The following VOPP1 variants were observed in gnomAD, a reference collection of about 807,000 sequenced individuals.
VOPP1 encodes WW domain binding protein VOPP1.
A neutral mutation model predicts 23.5 loss-of-function variants in VOPP1; 8 were observed. That is an observed-to-expected ratio of 0.34 (90% CI 0.20 to 0.61). The LOEUF is 0.61. Ranked by LOEUF, VOPP1 falls within the 20% of genes least tolerant of loss-of-function variation. VOPP1 has a pLI of 0.78. For missense variants in VOPP1, 174 were observed against 238.1 expected (o/e 0.73, Z 1.77); for synonymous variants, 83 against 97.3 (o/e 0.85, Z 0.86).
At chr7:55,562,056 TAA>T in intron 1 of VOPP1, 1 of 703,302 alleles carries the variant, frequency 1.4e-6, no homozygotes, top group Non-Finnish European at 2.6e-6. Flanking sequence ...GTGCATCTGT[TAA>T]AAAATAAAGA....
intron 4 of VOPP1, among the ~76,000 whole-genome samples, chr7:55,482,379 A>C (rs1583868489): frequency 1.5e-5 from 2 of 137,280 alleles, no homozygotes; most frequent in African/African-American, 5.5e-5. Context: ...ACGGAGTCTC[A>C]CTCTTTCCCT....
chr7:55,481,971 C>A lies in VOPP1; in HGVS notation c.329-8926G>T, dbSNP rs557931241. Among the ~76,000 whole-genome samples, 15 of 152,320 alleles carry A rather than the reference C, an allele frequency of 9.8e-5. No individual in the cohort carries two copies. The South Asian group carries it at 2.5e-3, about 25-fold the overall frequency. On this transcript the variant is annotated intron_variant, in intron 4 of 4. Coordinates refer to ENST00000285279, the MANE Select transcript of VOPP1 (RefSeq NM_030796.5). ...CTTTCAAATGTTCCATTTATTTTTA[C>A]ATTTTGATCAGATTAATAGCAATGC...
intron 4 of VOPP1, among the ~76,000 whole-genome samples, chr7:55,456,344 T>C (rs1470397383): frequency 2.0e-5 from 3 of 152,336 alleles, no homozygotes; most frequent in African/African-American, 7.2e-5. Context: ...TTTTACACTG[T>C]TGGTGGAAGT....
At chr7:55,494,641 T>A (rs1793817978) in intron 3 of VOPP1, among the ~76,000 whole-genome samples, 1 of 152,214 alleles carries the variant, frequency 6.6e-6, no homozygotes, top group Non-Finnish European at 1.5e-5. Context: ...ATTTTAAAAA[T>A]TTATTTAAAA....
chr7:55,440,408 G>A (rs1234698369), intron 4 of VOPP1, among the ~76,000 whole-genome samples: 9 of 152,196 alleles, frequency 5.9e-5, no homozygotes, highest in East Asian at 5.8e-4. Flanking sequence ...GAGACCATCC[G>A]TTTTACTTTT....
chr7:55,537,761 C>G, intron 1 of VOPP1: 1 of 1,366,924 alleles, frequency 7.3e-7, no homozygotes, highest in Non-Finnish European at 9.5e-7. Flanking sequence ...CAGGTCCGGC[C>G]CCCAGGCCCA....
chr7:55,499,957 G>T (rs1002478951), intron 2 of VOPP1, among the ~76,000 whole-genome samples: 1 of 152,172 alleles, frequency 6.6e-6, no homozygotes, highest in African/African-American at 2.4e-5. Context: ...TGTGTGTGTG[G>T]AAGAGAAGGG....
intron 1 of VOPP1, among the ~76,000 whole-genome samples, chr7:55,551,438 T>G (rs1050500129): frequency 2.0e-5 from 3 of 152,156 alleles, no homozygotes; most frequent in Non-Finnish European, 4.4e-5. Flanking sequence ...GGGTTCTGAG[T>G]GCTCCCCAAA....
chr7:55,547,844 C>A (rs143940817), intron 1 of VOPP1, among the ~76,000 whole-genome samples: 68 of 152,320 alleles, frequency 4.5e-4, no homozygotes, highest in Admixed American at 2.1e-3. Flanking sequence ...CCCATCACTC[C>A]CTAGTAGATG....
At chr7:55,498,897 T>C (rs1794169415) in intron 2 of VOPP1, among the ~76,000 whole-genome samples, 1 of 152,186 alleles carries the variant, frequency 6.6e-6, no homozygotes, top group South Asian at 2.1e-4. Context: ...CCAAAGCTCC[T>C]GGAGGTGGTG....
At chr7:55,456,816 G>A (rs2129002760) in intron 4 of VOPP1, among the ~76,000 whole-genome samples, 1 of 152,208 alleles carries the variant, frequency 6.6e-6, no homozygotes, top group South Asian at 2.1e-4. Flanking sequence ...GGGGTCTAGG[G>A]GAGGGATGGC....
intron 4 of VOPP1, among the ~76,000 whole-genome samples, chr7:55,455,372 C>A (rs1241387976): frequency 6.6e-6 from 1 of 152,216 alleles, no homozygotes; most frequent in Non-Finnish European, 1.5e-5. Flanking sequence ...AAAATCCATA[C>A]TGCCCAAAGT....
At chr7:55,493,800 G>A (rs543571526) in intron 3 of VOPP1, among the ~76,000 whole-genome samples, 13 of 152,298 alleles carry the variant, frequency 8.5e-5, no homozygotes, top group African/African-American at 2.9e-4. Flanking sequence ...AAAAATGAGC[G>A]ATGCAAGAAG....
At chr7:55,549,758 A>T (rs1306248457) in intron 1 of VOPP1, among the ~76,000 whole-genome samples, 1 of 152,194 alleles carries the variant, frequency 6.6e-6, no homozygotes, top group Non-Finnish European at 1.5e-5. Flanking sequence ...GCACACATCC[A>T]CTTAGACAAA....
intron 4 of VOPP1, among the ~76,000 whole-genome samples, chr7:55,460,967 T>C (rs1791485516): frequency 6.6e-6 from 1 of 151,960 alleles, no homozygotes; most frequent in African/African-American, 2.4e-5. Context: ...AATCAACGAG[T>C]GGATAAAGAA....
chr7:55,477,027 T>C (rs1043958639), intron 4 of VOPP1, among the ~76,000 whole-genome samples: 2 of 152,142 alleles, frequency 1.3e-5, no homozygotes, highest in African/African-American at 4.8e-5. Context: ...GCAAACCGTG[T>C]CTCCTGGAAT....
downstream of VOPP1, among the ~76,000 whole-genome samples, chr7:55,468,733 A>C (rs2129005354): frequency 6.6e-6 from 1 of 152,340 alleles, no homozygotes; most frequent in East Asian, 1.9e-4. Context: ...GCTGTCAATG[A>C]CACCAATGTG....
At chr7:55,525,353 G>A (rs1796113433) in intron 1 of VOPP1, among the ~76,000 whole-genome samples, 1 of 152,094 alleles carries the variant, frequency 6.6e-6, no homozygotes, top group Non-Finnish European at 1.5e-5. Flanking sequence ...GCCGGGCGTG[G>A]TGGTGGGCGC....
chr7:55,455,939 C>G (rs1791354040), intron 4 of VOPP1, among the ~76,000 whole-genome samples: 2 of 151,838 alleles, frequency 1.3e-5, no homozygotes, highest in African/African-American at 2.4e-5. Context: ...CAACAAAAGC[C>G]AAAATAGACA....
Sources: gnomAD v4.1 joint callset for allele counts (sites outside exome capture counted in the v4.1 genomes callset) on GRCh38, gnomAD v4.1.1 for gene constraint, MANE v1.5 for transcripts, NCBI Gene and HGNC (gene_info 2026-07-23, HGNC 2026-07-21) for gene names.